Variants in TBCK observed in about 807,000 individuals in gnomAD.
TBCK encodes TBC1 domain containing kinase.
In TBCK, 99 loss-of-function variants were observed where a neutral mutation model predicts 113.4. The observed-to-expected ratio is 0.87, with a 90% CI of 0.74 to 1.03. The LOEUF is 1.03. Ranked by LOEUF, TBCK falls within the 50% of genes least tolerant of loss-of-function variation. The pLI is 0.00. For synonymous variants in TBCK, 369 were observed against 370.8 expected (o/e 1.00, Z 0.05); for missense variants, 1,045 against 1,061.3 (o/e 0.98, Z 0.21).
At chr4:106,058,158 C>T (rs918199482) in intron 25 of TBCK, among the ~76,000 whole-genome samples, 15 of 151,698 alleles carry the variant, frequency 9.9e-5, no homozygotes, top group African/African-American at 3.4e-4. Flanking sequence ...GCAACATAGT[C>T]CCTCTCCTTA....
At chr4:106,082,797 C>T (rs1578841875) in intron 25 of TBCK, among the ~76,000 whole-genome samples, 1 of 152,088 alleles carries the variant, frequency 6.6e-6, no homozygotes, top group East Asian at 1.9e-4. Context: ...GACTAGAAGG[C>T]TGGCATGACT....
At chr4:106,294,537 G>A (rs111450955) in intron 3 of TBCK, among the ~76,000 whole-genome samples, 25,290 of 151,172 alleles carry the variant, frequency 0.17, 2,110 homozygotes, top group South Asian at 0.25. Context: ...GCAGGAGTGC[G>A]GTGGTGCAAT....
chr4:106,088,325 G>A (rs28822186), intron 25 of TBCK, among the ~76,000 whole-genome samples: 48,943 of 151,970 alleles, frequency 0.32, 8,083 homozygotes, highest in African/African-American at 0.37. Context: ...AAAAGAAGAC[G>A]TTTACACAGT....
chr4:106,291,718 G>A (rs985039694), intron 3 of TBCK, among the ~76,000 whole-genome samples: 2 of 152,196 alleles, frequency 1.3e-5, no homozygotes, highest in African/African-American at 4.8e-5. Context: ...CTTTACTATC[G>A]GTGAAGATTT....
chr4:106,296,394 A>T (rs866940493), intron 2 of TBCK, among the ~76,000 whole-genome samples: 3 of 152,184 alleles, frequency 2.0e-5, no homozygotes, highest in African/African-American at 7.2e-5. Context: ...GCGAATAATG[A>T]TAACTGTAAA....
chr4:106,156,837 G>A (rs1749184669), intron 23 of TBCK, among the ~76,000 whole-genome samples: 1 of 152,156 alleles, frequency 6.6e-6, no homozygotes, highest in Non-Finnish European at 1.5e-5. Context: ...GGCCACAAGA[G>A]CCTGCTTGGT....
rs1455278232 is a variant in TBCK, at chr4:106,251,988, G to A, written c.475C>T (p.Pro159Ser). Residue 159 changes from proline to serine, a missense_variant, in exon 6 of 26, where the codon CCT (proline) becomes TCT (serine). By Grantham distance (74) the Pro-to-Ser change is moderately conservative. Transcript: ENST00000394708. ...FPIGYPSYLA[P>S]EVIAQGIFKT... ...AAAATTCCCTGTGCAATTACCTCAGGGGCCAAGTACGAGGGATACCTGTAA... is the reference window on the plus strand; with the variant it reads ...AAAATTCCCTGTGCAATTACCTCAGAGGCCAAGTACGAGGGATACCTGTAA... 1.2e-6 allele frequency: 2 copies of A among 1,609,618 alleles called. No homozygotes were observed. The highest frequency in any genetic ancestry group is 4.5e-5 in the East Asian group (2 of 44,818).
intron 2 of TBCK, among the ~76,000 whole-genome samples, chr4:106,300,918 T>C (rs940790843): frequency 1.7e-4 from 26 of 152,082 alleles, no homozygotes; most frequent in Admixed American, 1.5e-3. Flanking sequence ...TTGGGCAATA[T>C]AGTGAGACTC....
At chr4:106,121,180 T>A (rs1744307212) in intron 23 of TBCK, among the ~76,000 whole-genome samples, 1 of 151,490 alleles carries the variant, frequency 6.6e-6, no homozygotes, top group African/African-American at 2.4e-5. Context: ...TGGAGGAAGA[T>A]CTACCAAGCA....
At chr4:106,209,658 T>C (rs1046670946) in intron 20 of TBCK, among the ~76,000 whole-genome samples, 1 of 152,154 alleles carries the variant, frequency 6.6e-6, no homozygotes, top group African/African-American at 2.4e-5. Flanking sequence ...TAATTGATTG[T>C]ATGGTCATCT....
At chr4:106,120,460 C>T (rs1744176155) in intron 23 of TBCK, among the ~76,000 whole-genome samples, 1 of 152,176 alleles carries the variant, frequency 6.6e-6, no homozygotes, top group Non-Finnish European at 1.5e-5. Flanking sequence ...GGGTGGAGCC[C>T]ACCACAGCTC....
intron 25 of TBCK, among the ~76,000 whole-genome samples, chr4:106,077,524 CCAGA>C (rs1232296771): frequency 1.3e-5 from 2 of 152,008 alleles, no homozygotes; most frequent in Non-Finnish European, 2.9e-5. Context: ...TATTCTTATA[CCAGA>C]CAAACAAACA....
chr4:106,120,847 A>G (rs889390402), intron 23 of TBCK, among the ~76,000 whole-genome samples: 1 of 152,158 alleles, frequency 6.6e-6, no homozygotes, highest in Non-Finnish European at 1.5e-5. Flanking sequence ...AAAAGCAGAT[A>G]AAACCACAAA....
intron 3 of TBCK, among the ~76,000 whole-genome samples, chr4:106,262,615 G>C (rs1762613268): frequency 6.6e-6 from 1 of 151,868 alleles, no homozygotes; most frequent in South Asian, 2.1e-4. Flanking sequence ...CTAAGCCCCC[G>C]AAAAAAGTAG....
intron 2 of TBCK, among the ~76,000 whole-genome samples, chr4:106,298,677 G>C (rs1370301537): frequency 6.6e-6 from 1 of 151,986 alleles, no homozygotes; most frequent in Non-Finnish European, 1.5e-5. Flanking sequence ...TTCTCGACTT[G>C]ATAAGGAAAG....
chr4:106,179,814 C>T (rs566519158), intron 22 of TBCK, among the ~76,000 whole-genome samples: 1 of 152,094 alleles, frequency 6.6e-6, no homozygotes, highest in East Asian at 1.9e-4. Flanking sequence ...GTCTGGATGA[C>T]CTGTGTATTG....
In TBCK at chr4:106,044,773, G is replaced by A. The variant is rs1478069712; in HGVS notation, c.*1797C>T. On this transcript the variant is annotated 3_prime_UTR_variant, in exon 26 of 26. Transcript: ENST00000394708. The stretch of plus-strand genomic sequence containing the variant: ...ACTGAACTGTACATGTTAAAAGGAT[G>A]AATTTTATGGTTAAGTATATCTCAA... The A allele has an allele frequency of 6.6e-6, 1 of 152,144 alleles. No homozygotes were observed. The highest frequency in any genetic ancestry group is 6.5e-5 in the Admixed American group (1 of 15,278). 9.4% of individuals were successfully genotyped at this position (152,144 alleles called of 1,614,324 possible).
intron 3 of TBCK, among the ~76,000 whole-genome samples, chr4:106,267,364 G>A (rs1318017038): frequency 6.6e-6 from 1 of 151,800 alleles, no homozygotes; most frequent in Admixed American, 6.6e-5. Context: ...CAATTGAGTG[G>A]CTATTTGTTT....
chr4:106,163,673 A>T (rs1239846918), intron 23 of TBCK: 1 of 152,156 alleles, frequency 6.6e-6, no homozygotes, highest in African/African-American at 2.4e-5. Context: ...GAGAAAGTCC[A>T]TTAGAAAATC....
Sources: allele counts gnomAD v4.1 joint callset (sites outside exome capture counted in the v4.1 genomes callset), GRCh38; gene constraint gnomAD v4.1.1; transcripts MANE v1.5; gene names NCBI Gene and HGNC (gene_info 2026-07-23, HGNC 2026-07-21).